The following PPP2R2B variants were observed in gnomAD, a reference collection of about 807,000 sequenced individuals.
PPP2R2B encodes the protein serine/threonine-protein phosphatase 2A 55 kDa regulatory subunit B beta isoform.
A neutral mutation model predicts 46.0 loss-of-function variants in PPP2R2B; 5 were observed. That is an observed-to-expected ratio of 0.11 (90% CI 0.06 to 0.23). PPP2R2B has a LOEUF of 0.23. PPP2R2B is among the 10% of genes least tolerant of loss of function. The probability of loss-of-function intolerance (pLI) is 1.00; values close to 1 mark genes in which losing one functional copy is unlikely to be tolerated. For missense variants in PPP2R2B, 367 were observed against 575.0 expected (o/e 0.64, Z 3.70); for synonymous variants, 215 against 206.7 (o/e 1.04, Z -0.34).
intron 2 of PPP2R2B, among the ~76,000 whole-genome samples, chr5:146,766,177 G>T (rs1754464513): frequency 6.6e-6 from 1 of 152,074 alleles, no homozygotes; most frequent in Admixed American, 6.6e-5. Flanking sequence ...AACTTTAACA[G>T]CTCATGAAAA....
chr5:146,670,843 T>G (rs906628897), intron 5 of PPP2R2B, among the ~76,000 whole-genome samples: 3 of 152,182 alleles, frequency 2.0e-5, no homozygotes, highest in Non-Finnish European at 4.4e-5. Context: ...ACTAACTTTA[T>G]TTTGATAGGG....
intron 2 of PPP2R2B, among the ~76,000 whole-genome samples, chr5:146,845,314 G>GTTTTT (rs71001406): frequency 7.1e-6 from 1 of 140,518 alleles, no homozygotes. Context: ...TCTTTTTTTT[G>GTTTTT]TTTTTTTTTG....
intron 1 of PPP2R2B, among the ~76,000 whole-genome samples, chr5:146,997,952 T>A (rs993890311): frequency 2.0e-5 from 3 of 152,162 alleles, no homozygotes; most frequent in Non-Finnish European, 2.9e-5. Context: ...TTAAATGAAA[T>A]CTAAACTGAA....
chr5:146,707,031 G>T, intron 2 of PPP2R2B: 1 of 1,073,056 alleles, frequency 9.3e-7, no homozygotes, highest in Non-Finnish European at 1.4e-6. Context: ...TCTTGATGAG[G>T]ACAAATTCAT....
At chr5:146,894,554 C>T (rs946173054) in intron 1 of PPP2R2B, among the ~76,000 whole-genome samples, 9 of 152,206 alleles carry the variant, frequency 5.9e-5, no homozygotes, top group Admixed American at 2.6e-4. Context: ...ATCCTCCCAC[C>T]TCAGCCTCCT....
intron 2 of PPP2R2B, among the ~76,000 whole-genome samples, chr5:146,789,656 C>T (rs1307751781): frequency 6.6e-6 from 1 of 151,982 alleles, no homozygotes; most frequent in African/African-American, 2.4e-5. Flanking sequence ...GGCAATACAT[C>T]TAAGAAATAG....
intron 2 of PPP2R2B, among the ~76,000 whole-genome samples, chr5:146,787,965 C>G (rs1426203503): frequency 6.6e-6 from 1 of 152,158 alleles, no homozygotes; most frequent in Admixed American, 6.5e-5. Flanking sequence ...TTCTCTGTCT[C>G]TCTACTATAG....
intron 2 of PPP2R2B, among the ~76,000 whole-genome samples, chr5:146,806,616 A>G (rs920199273): frequency 9.2e-5 from 14 of 152,238 alleles, no homozygotes; most frequent in African/African-American, 2.9e-4. Flanking sequence ...CTTTCCCAAC[A>G]TTAAAAATGA....
At chr5:146,692,665 G>A (rs1407195941) in intron 4 of PPP2R2B, among the ~76,000 whole-genome samples, 1 of 151,308 alleles carries the variant, frequency 6.6e-6, no homozygotes, top group Non-Finnish European at 1.5e-5. Context: ...TCCTGAGTAG[G>A]TGGGACTACA....
chr5:146,831,498 CAAAAAAAAAAAA>C (rs34975709), intron 2 of PPP2R2B, among the ~76,000 whole-genome samples: 9 of 54,922 alleles, frequency 1.6e-4, no homozygotes, highest in Non-Finnish European at 2.1e-4. Flanking sequence ...CTCCATCTCT[CAAAAAAAAAAAA>C]AAAAAAAAAA....
chr5:146,888,462 C>T (rs1034569940), intron 1 of PPP2R2B, among the ~76,000 whole-genome samples: 4 of 152,138 alleles, frequency 2.6e-5, no homozygotes, highest in African/African-American at 9.7e-5. Context: ...TCCTATCTCA[C>T]CATGATTATA....
At chr5:146,886,747 T>C (rs1332904000) in intron 1 of PPP2R2B, among the ~76,000 whole-genome samples, 1 of 152,170 alleles carries the variant, frequency 6.6e-6, no homozygotes, top group Non-Finnish European at 1.5e-5. Flanking sequence ...TAGTTTTCTT[T>C]TGTGTTCATG....
chr5:146,943,847 T>A (rs754859667), intron 1 of PPP2R2B, among the ~76,000 whole-genome samples: 3 of 152,232 alleles, frequency 2.0e-5, no homozygotes, highest in Admixed American at 6.5e-5. Context: ...ATCCTTCACA[T>A]GGATTCACTA....
chr5:146,835,196 A>C (rs1417430140), intron 2 of PPP2R2B, among the ~76,000 whole-genome samples: 1 of 152,234 alleles, frequency 6.6e-6, no homozygotes, highest in Non-Finnish European at 1.5e-5. Context: ...CTGTAGCAGA[A>C]AAATTTTGAT....
chr5:146,621,419 T>A (rs1341948000), intron 7 of PPP2R2B, among the ~76,000 whole-genome samples: 1 of 152,178 alleles, frequency 6.6e-6, no homozygotes, highest in Non-Finnish European at 1.5e-5. Flanking sequence ...TCATATAGCA[T>A]CATTTTTCCT....
At chr5:146,813,528 T>C (rs1410626820) in intron 2 of PPP2R2B, among the ~76,000 whole-genome samples, 1 of 152,050 alleles carries the variant, frequency 6.6e-6, no homozygotes, top group East Asian at 1.9e-4. Flanking sequence ...TGGAGACAAA[T>C]CCAAGTAGGC....
At chr5:146,991,758 G>A (rs1439374389) in intron 1 of PPP2R2B, among the ~76,000 whole-genome samples, 2 of 151,692 alleles carry the variant, frequency 1.3e-5, no homozygotes, top group African/African-American at 2.4e-5. Flanking sequence ...GAAATCAAGA[G>A]AACAACCATA....
chr5:146,866,855 C>T (rs796671037), intron 2 of PPP2R2B, among the ~76,000 whole-genome samples: 16 of 152,178 alleles, frequency 1.1e-4, no homozygotes, highest in African/African-American at 3.9e-4. Flanking sequence ...GCTGACACTC[C>T]AAGAAGAAAA....
intron 2 of PPP2R2B, among the ~76,000 whole-genome samples, chr5:146,711,906 C>G (rs1330636410): frequency 6.6e-6 from 1 of 152,038 alleles, no homozygotes; most frequent in Non-Finnish European, 1.5e-5. Flanking sequence ...AAGCAGAAGT[C>G]CTTATCAGAA....
Sources: allele counts gnomAD v4.1 joint callset (sites outside exome capture counted in the v4.1 genomes callset), GRCh38; gene constraint gnomAD v4.1.1; transcripts MANE v1.5; gene names NCBI Gene and HGNC (gene_info 2026-07-23, HGNC 2026-07-21).